SEPTIN9: variants seen among roughly 807,000 people sequenced by gnomAD.
SEPTIN9 encodes the protein septin 9.
Under a neutral mutation model 56.6 loss-of-function variants are expected in SEPTIN9, and 13 were observed. The observed-to-expected ratio is 0.23, with a 90% CI of 0.15 to 0.37. The LOEUF (loss-of-function observed/expected upper bound fraction) is 0.37, where lower values mean the gene tolerates loss of function less well. Among genes scored for constraint, SEPTIN9 ranks in the 10% least tolerant of loss-of-function variants. The pLI is 1.00. For missense variants in SEPTIN9, 650 were observed against 823.1 expected (o/e 0.79, Z 2.57); for synonymous variants, 332 against 334.1 (o/e 0.99, Z 0.07).
At chr17:77,479,859 C>G (rs1014951533) in intron 3 of SEPTIN9, among the ~76,000 whole-genome samples, 1 of 152,184 alleles carries the variant, frequency 6.6e-6, no homozygotes, top group Non-Finnish European at 1.5e-5. Context: ...AAGCGATTTT[C>G]GGTCACGTGG....
Position 77,487,403 on chromosome 17 carries a change from G to A in SEPTIN9, c.914-21G>A, listed in dbSNP as rs769231401. The A allele has an allele frequency of 2.0e-5, 31 of 1,585,936 alleles. No homozygotes were observed. Among genetic ancestry groups the A allele is most frequent in the African/African-American group, 1.3e-4 (10 of 74,302 alleles). ...GGTCTCTCCGGAGAGACCCCTGACC[G>A]GCCTCCCATCCTCTCCCCAGGGCAG... On this transcript the variant is annotated intron_variant, in intron 4 of 11. Transcript: ENST00000427177. The surrounding 1 kb of genome is among the most constrained non-coding windows in gnomAD (Gnocchi z 4.3).
chr17:77,443,455 A>G (rs2037622883), intron 3 of SEPTIN9, among the ~76,000 whole-genome samples: 1 of 152,174 alleles, frequency 6.6e-6, no homozygotes, highest in South Asian at 2.1e-4. Flanking sequence ...TCAATTTATA[A>G]AACACACTGT....
At chr17:77,345,922 G>T (rs2033876114) in intron 2 of SEPTIN9, among the ~76,000 whole-genome samples, 1 of 131,348 alleles carries the variant, frequency 7.6e-6, no homozygotes, top group Admixed American at 8.2e-5. Context: ...CAGATTCTTT[G>T]TTTTTTTTGT....
chr17:77,350,624 T>TGTGTGTGTGTGTG (rs1182651580), intron 2 of SEPTIN9, among the ~76,000 whole-genome samples: 1 of 151,756 alleles, frequency 6.6e-6, no homozygotes, highest in Non-Finnish European at 1.5e-5. Flanking sequence ...TGTGTGTGTG[T>TGTGTGTGTGTGTG]GTGTGTGTGT....
chr17:77,414,350 C>T lies in SEPTIN9; in HGVS notation c.721+11647C>T, dbSNP rs901729004. Among the ~76,000 whole-genome samples the T allele has an allele frequency of 4.6e-5, 7 of 152,236 alleles. 1 individual carries two copies. The highest frequency in any genetic ancestry group is 4.6e-4 in the Admixed American group (7 of 15,274). On this transcript the variant is annotated intron_variant, in intron 3 of 11. Transcript: ENST00000427177. Reference sequence around the variant, plus strand: ...TCAGCCTCCCAAAGTGCTGGGATTACAGGCATGAGTCACCGCGTGGCCCAA... The same window carrying T: ...TCAGCCTCCCAAAGTGCTGGGATTATAGGCATGAGTCACCGCGTGGCCCAA...
At chr17:77,283,163 T>TTC (rs1555639340) in intron 1 of SEPTIN9, among the ~76,000 whole-genome samples, 13 of 148,300 alleles carry the variant, frequency 8.8e-5, no homozygotes, top group African/African-American at 3.3e-4. Flanking sequence ...TGGGTTTCTT[T>TTC]TTTTTTTTTT....
Position 77,450,650 on chromosome 17 carries a change from C to T in SEPTIN9, c.722-31494C>T, listed in dbSNP as rs2037929034. 1.0e-6 allele frequency: 1 copy of T among 985,816 alleles called. No homozygotes were observed. Among genetic ancestry groups the T allele is most frequent in the Admixed American group, 6.1e-5 (1 of 16,272 alleles). The allele number at this position is 985,816 out of a possible 1,614,324, so 61.1% of individuals were successfully genotyped here. ...CCCTTGCTTGTGCCCCTCTGGGTCCCAGCACATCCCAGGCCTGCAGGGAGG... is the reference window on the plus strand; with the variant it reads ...CCCTTGCTTGTGCCCCTCTGGGTCCTAGCACATCCCAGGCCTGCAGGGAGG... On this transcript the variant is annotated intron_variant, in intron 3 of 11. Coordinates refer to ENST00000427177, the MANE Select transcript of SEPTIN9 (RefSeq NM_001113491.2). The surrounding 1 kb of genome is among the most constrained non-coding windows in gnomAD (Gnocchi z 6.0).
At position 77,380,829 on chromosome 17, in the gene SEPTIN9, G is replaced by A. The variant is rs62078060; in HGVS notation, c.77-21230G>A. ...AGGGACTCAGGTCTTGAGGGACAGC[G>A]GAAGGGTGGGGTGGGGAGTAGGCCG... On this transcript the variant is annotated intron_variant, in intron 2 of 11. Coordinates refer to ENST00000427177, the MANE Select transcript of SEPTIN9 (RefSeq NM_001113491.2). 6.4e-3 allele frequency among the ~76,000 whole-genome samples: 975 copies of A among 152,340 alleles called. 10 individuals carry two copies. The highest frequency in any genetic ancestry group is 0.011 in the Non-Finnish European group (753 of 68,032).
chr17:77,471,318 TG>T lies in SEPTIN9; in HGVS notation c.722-10825del, dbSNP rs201956432. 6.5e-3 allele frequency among the ~76,000 whole-genome samples: 991 copies of T among 152,268 alleles called. 13 individuals carry two copies. The highest frequency in any genetic ancestry group is 0.022 in the African/African-American group (908 of 41,558). The stretch of plus-strand genomic sequence containing the variant: ...CGTGCCTCCAGCCCCCTGCTGTCTC[TG>T]AAGGGCCTGGGCATGGGGCAGCCTC... On this transcript the variant is annotated intron_variant, in intron 3 of 11. Transcript: ENST00000427177.
intron 1 of SEPTIN9, among the ~76,000 whole-genome samples, chr17:77,287,426 C>T (rs1185314452): frequency 6.6e-6 from 1 of 152,224 alleles, no homozygotes; most frequent in Admixed American, 6.5e-5. Context: ...GCCCGTCTCC[C>T]TGAGGTTCCT....
At chr17:77,397,597 C>T (rs558449544) in intron 2 of SEPTIN9, among the ~76,000 whole-genome samples, 9 of 152,222 alleles carry the variant, frequency 5.9e-5, no homozygotes, top group Admixed American at 1.3e-4. Context: ...AGGTCTAGTG[C>T]GTCCCTCCTC....
At chr17:77,448,337 ATGG>A (rs1229679604) in intron 3 of SEPTIN9, among the ~76,000 whole-genome samples, 2 of 152,024 alleles carry the variant, frequency 1.3e-5, no homozygotes, top group Admixed American at 6.5e-5. Flanking sequence ...GCCGCCGGAC[ATGG>A]TGGTGTACGC....
intron 7 of SEPTIN9, among the ~76,000 whole-genome samples, chr17:77,489,639 G>A (rs145658579): frequency 2.4e-3 from 370 of 152,320 alleles, no homozygotes; most frequent in African/African-American, 8.4e-3. Context: ...TTCCCTGGGC[G>A]GAGGAAGCCC....
At chr17:77,370,929 A>C (rs1321743589) in intron 2 of SEPTIN9, among the ~76,000 whole-genome samples, 1 of 152,244 alleles carries the variant, frequency 6.6e-6, no homozygotes, top group African/African-American at 2.4e-5. Flanking sequence ...GAGAAAGAGG[A>C]GGCCAAGGAG....
At chr17:77,485,049 T>C (rs111218573) in intron 4 of SEPTIN9, among the ~76,000 whole-genome samples, 24 of 42,662 alleles carry the variant, frequency 5.6e-4, no homozygotes, top group Non-Finnish European at 8.0e-4. Context: ...GTGATGGTGG[T>C]GATTGTGGTG....
In SEPTIN9 at chr17:77,487,552, G is replaced by A. The variant is rs201560726; in HGVS notation, c.1042G>A (p.Asp348Asn). Residue 348 changes from aspartate (D) to asparagine (N), a missense_variant and splice_region_variant, in exon 5 of 12, where the codon GAT (aspartate) becomes AAT (asparagine). Around this residue, in one of 2 missense-constraint regions of SEPTIN9, gnomAD observed 333 missense variants for 494.0 expected, o/e 0.67. Coordinates refer to ENST00000427177, the MANE Select transcript of SEPTIN9 (RefSeq NM_001113491.2). The surrounding 1 kb of genome is among the most constrained non-coding windows in gnomAD (Gnocchi z 4.3). ...KTIEIKSITH[D>N]IEEKGVRMKL... is the part of the protein sequence containing the mutation. ...CATCGAGATCAAGTCCATCACGCACGGTCAGTGGCCGGGAGTGGGCTGGGG... is the reference window on the plus strand; with the variant it reads ...CATCGAGATCAAGTCCATCACGCACAGTCAGTGGCCGGGAGTGGGCTGGGG... 514 of 1,612,702 alleles carry A rather than the reference G, an allele frequency of 3.2e-4. No individual in the cohort carries two copies. The highest frequency in any genetic ancestry group is 4.0e-4 in the Non-Finnish European group (467 of 1,179,664).
chr17:77,441,124 CCTCCATTCTGGGCTGGG>C (rs1301746827), intron 3 of SEPTIN9, among the ~76,000 whole-genome samples: 2 of 152,194 alleles, frequency 1.3e-5, no homozygotes, highest in Admixed American at 1.3e-4. Flanking sequence ...ATGGAGCTGG[CCTCCATTCTGGGCTGGG>C]CTGGTTTGGG....
rs912003707 is a variant in SEPTIN9, at chr17:77,435,953, G to T, written c.721+33250G>T. Among the ~76,000 whole-genome samples the T allele has an allele frequency of 6.6e-6, 1 of 152,236 alleles. No homozygotes were observed. Among genetic ancestry groups the T allele is most frequent in the Non-Finnish European group, 1.5e-5 (1 of 68,032 alleles). The stretch of plus-strand genomic sequence containing the variant: ...AACCTTACACCGTTTAGGGCTTGAG[G>T]CAGGGCTAGAGCATGGAGACGTTGC... On this transcript the variant is annotated intron_variant, in intron 3 of 11. Coordinates refer to ENST00000427177, the MANE Select transcript of SEPTIN9 (RefSeq NM_001113491.2). The surrounding 1 kb of genome is among the most constrained non-coding windows in gnomAD (Gnocchi z 4.5).
chr17:77,285,302 C>G (rs545981585), intron 1 of SEPTIN9, among the ~76,000 whole-genome samples: 1 of 152,288 alleles, frequency 6.6e-6, no homozygotes, highest in South Asian at 2.1e-4. Flanking sequence ...GTGGCAGCGG[C>G]AGGAGGACTT....
Sources: allele counts gnomAD v4.1 joint callset (sites outside exome capture counted in the v4.1 genomes callset), GRCh38; gene constraint gnomAD v4.1.1; regional missense constraint gnomAD v4.1.1; non-coding constraint Gnocchi (gnomAD v3.1); transcripts MANE v1.5; gene names NCBI Gene and HGNC (gene_info 2026-07-23, HGNC 2026-07-21).